The following ZNF317 variants were observed in gnomAD, a reference collection of about 807,000 sequenced individuals.
ZNF317 encodes the protein zinc finger protein 317.
In ZNF317, 17 loss-of-function variants were observed where a neutral mutation model predicts 23.4. The observed-to-expected ratio is 0.73, with a 90% CI of 0.50 to 1.09. ZNF317 has a LOEUF of 1.09. ZNF317 is among the 50% of genes least tolerant of loss of function. The pLI, the probability that ZNF317 is intolerant of heterozygous loss-of-function variation, is 0.00. For synonymous variants in ZNF317, 317 were observed against 314.9 expected (o/e 1.01, Z -0.07); for missense variants, 679 against 796.7 (o/e 0.85, Z 1.78).
At chr19:9,142,295 A>G (rs187482331) in intron 1 of ZNF317, among the ~76,000 whole-genome samples, 48 of 151,628 alleles carry the variant, frequency 3.2e-4, no homozygotes, top group Middle Eastern at 3.4e-3. Context: ...CAGACGATAA[A>G]TTGTCTTTTT....
chr19:9,153,997 T>C (rs1170297435), intron 1 of ZNF317, among the ~76,000 whole-genome samples: 2 of 152,046 alleles, frequency 1.3e-5, no homozygotes, highest in African/African-American at 4.8e-5. Context: ...CATGTGTCCA[T>C]GCATAGGAAA....
chr19:9,145,140 G>C (rs1341196190), intron 1 of ZNF317, among the ~76,000 whole-genome samples: 1 of 152,150 alleles, frequency 6.6e-6, no homozygotes, highest in African/African-American at 2.4e-5. Flanking sequence ...TGCCTCCTGG[G>C]TTCCAGCAAT....
intron 4 of ZNF317, chr19:9,157,621 C>A: frequency 5.2e-6 from 3 of 577,812 alleles, no homozygotes; most frequent in Non-Finnish European, 2.7e-6. Context: ...TTCTGAAATA[C>A]GAAATCCCCA....
Position 9,161,357 on chromosome 19 carries a change from C to T in ZNF317, c.1712C>T (p.Ser571Leu). Reference protein sequence around the residue: ...LVCGKAFSDHSSLRSHVKTHR... With the variant: ...LVCGKAFSDHLSLRSHVKTHR... ...TGCGGGAAAGCCTTCAGCGACCACTCATCCCTCAGGAGCCACGTGAAAACT... is the reference window on the plus strand; with the variant it reads ...TGCGGGAAAGCCTTCAGCGACCACTTATCCCTCAGGAGCCACGTGAAAACT... Residue 571 changes from serine to leucine, a missense_variant, in exon 7 of 7, where the codon TCA becomes TTA. By Grantham distance (145) the Ser-to-Leu change is moderately radical. Transcript: ENST00000247956. The surrounding 1 kb of genome is among the most constrained non-coding windows in gnomAD (Gnocchi z 4.0). 2.5e-6 allele frequency: 4 copies of T among 1,614,216 alleles called. No individual in the cohort carries two copies. The highest frequency in any genetic ancestry group is 3.4e-6 in the Non-Finnish European group (4 of 1,180,046).
At chr19:9,142,760 C>G (rs2145937045) in intron 1 of ZNF317, among the ~76,000 whole-genome samples, 2 of 151,988 alleles carry the variant, frequency 1.3e-5, no homozygotes, top group Admixed American at 1.3e-4. Context: ...TTGATTTTCT[C>G]TTGTTACATT....
rs1239033283 is a variant in ZNF317, at chr19:9,157,145, C to CG, written c.163-122dup. The CG allele has an allele frequency of 7.3e-6, 9 of 1,238,028 alleles. No individual in the cohort carries two copies. The African/African-American group carries it at 9.0e-5, about 12-fold the overall frequency. The allele number at this position is 1,238,028 out of a possible 1,614,324, so 76.7% of individuals were successfully genotyped here. ...GATGCCTGGAGGAAATGTTGAGCCCCGTAGCAGGCCATCTGGAAATCCTGT... is the reference window on the plus strand; with the variant it reads ...GATGCCTGGAGGAAATGTTGAGCCCCGGTAGCAGGCCATCTGGAAATCCTGT... On this transcript the variant is annotated intron_variant, in intron 3 of 6. Transcript: ENST00000247956.
At position 9,147,330 on chromosome 19, in the gene ZNF317, GTTTTTTTTTT is replaced by G. The variant is rs35259257; in HGVS notation, c.-93+6756_-93+6765del. ...TGGTGACAGCATTCCAATGACACTG[GTTTTTTTTTT>G]TTTTTTTTTTTTTTTTTGAGATGGA... On this transcript the variant is annotated intron_variant, in intron 1 of 6. Transcript: ENST00000247956. Among the ~76,000 whole-genome samples, 519 of 110,162 alleles carry G rather than the reference GTTTTTTTTTT, an allele frequency of 4.7e-3. 1 individual carries two copies. The highest frequency in any genetic ancestry group is 0.011 in the African/African-American group (294 of 25,612). 72.3% of individuals were successfully genotyped at this position (110,162 alleles called of 152,430 possible).
At chr19:9,143,151 G>T (rs2050649694) in intron 1 of ZNF317, among the ~76,000 whole-genome samples, 1 of 152,096 alleles carries the variant, frequency 6.6e-6, no homozygotes, top group South Asian at 2.1e-4. Context: ...TCCATCTGAG[G>T]TTTAAATCGT....
chr19:9,144,147 C>T (rs562525987), intron 1 of ZNF317, among the ~76,000 whole-genome samples: 5 of 152,012 alleles, frequency 3.3e-5, no homozygotes, highest in Non-Finnish European at 5.9e-5. Flanking sequence ...GAAGTACAGG[C>T]GCATGGCACC....
intron 1 of ZNF317, among the ~76,000 whole-genome samples, chr19:9,145,828 A>G (rs781748449): frequency 3.3e-5 from 5 of 152,210 alleles, no homozygotes; most frequent in Non-Finnish European, 5.9e-5. Context: ...TGGCTTTGAA[A>G]CTTCAGCCTT....
rs951786649 is a variant in ZNF317, at chr19:9,148,344, C to A, written c.-92-7581C>A. Among the ~76,000 whole-genome samples, 7 of 152,318 alleles carry A rather than the reference C, an allele frequency of 4.6e-5. No individual in the cohort carries two copies. The South Asian group carries it at 1.2e-3, about 27-fold the overall frequency. On this transcript the variant is annotated intron_variant, in intron 1 of 6. Coordinates refer to ENST00000247956, the MANE Select transcript of ZNF317 (RefSeq NM_020933.5). ...GGTTTGCATCGTTGCAAAACATCGACAAGGTTCCACAGACTGAATTGATGT... is the reference window on the plus strand; with the variant it reads ...GGTTTGCATCGTTGCAAAACATCGAAAAGGTTCCACAGACTGAATTGATGT...
intron 1 of ZNF317, among the ~76,000 whole-genome samples, chr19:9,141,618 G>A (rs1444860994): frequency 1.3e-5 from 2 of 152,170 alleles, no homozygotes; most frequent in Non-Finnish European, 2.9e-5. Flanking sequence ...TTTCAGGAAT[G>A]TCATGGCTTA....
intron 1 of ZNF317, among the ~76,000 whole-genome samples, chr19:9,151,006 T>G (rs2050731481): frequency 6.6e-6 from 1 of 152,180 alleles, no homozygotes. Context: ...GGAGAATGTC[T>G]CATACCTTGT....
At chr19:9,148,034 G>C (rs971797007) in intron 1 of ZNF317, among the ~76,000 whole-genome samples, 2 of 152,090 alleles carry the variant, frequency 1.3e-5, no homozygotes, top group South Asian at 4.1e-4. Context: ...CAACCCTGCT[G>C]TCTTGCTCCT....
chr19:9,160,530 C>A lies in ZNF317; in HGVS notation c.885C>A (p.Ile295=). ...NAFRTLSALK[I]HMRVHTGERP... ...TCCGGACCCTCTCGGCCCTGAAAAT[C>A]CACATGCGAGTTCACACTGGCGAGA... Residue 295 remains isoleucine (I), a synonymous_variant, in exon 7 of 7, where the codon ATC becomes ATA. Transcript: ENST00000247956. This position sits in a 1 kb window ranked among gnomAD's most constrained non-coding sequence, Gnocchi z 6.8. 6.2e-7 allele frequency: 1 copy of A among 1,614,200 alleles called. No individual in the cohort carries two copies. The highest frequency in any genetic ancestry group is 1.1e-5 in the South Asian group (1 of 91,084).
Position 9,160,204 on chromosome 19 carries a change from A to G in ZNF317, c.559A>G (p.Arg187Gly). ...CCCTCATCTCACTCAGCCAATGGGA[A>G]GGCACGCTGGCAAGAGGCCCTATCA... ...MDPHLTQPMG[R>G]HAGKRPYHRR... is the part of the protein sequence containing the mutation. Residue 187 changes from arginine to glycine, a missense_variant, in exon 7 of 7, where the codon AGG becomes GGG. By Grantham distance (125) the Arg-to-Gly change is moderately radical (BLOSUM62 -2). Transcript: ENST00000247956. The surrounding 1 kb of genome is among the most constrained non-coding windows in gnomAD (Gnocchi z 6.8). The G allele has an allele frequency of 6.2e-7, 1 of 1,614,170 alleles. No homozygotes were observed. Among genetic ancestry groups the G allele is most frequent in the Non-Finnish European group, 8.5e-7 (1 of 1,180,018 alleles).
rs577433015 is a variant in ZNF317 at position 9,140,428 on chromosome 19, G to T, written c.-257G>T. 3 of 441,472 alleles carry T rather than the reference G, an allele frequency of 6.8e-6. No homozygotes were observed. The highest frequency in any genetic ancestry group is 2.0e-5 in the African/African-American group (1 of 49,178). 27.3% of individuals were successfully genotyped at this position (441,472 alleles called of 1,614,324 possible). A position where few individuals can be genotyped will look rare whatever the true frequency, so the allele number is the denominator to read the frequency against. On this transcript the variant is annotated 5_prime_UTR_variant, in exon 1 of 7. Coordinates refer to ENST00000247956, the MANE Select transcript of ZNF317 (RefSeq NM_020933.5). ...GCGGAAGCCATTACTCTCTGGAGTC[G>T]ATTGCCCCGAGACACATGGGCCAAG...
intron 1 of ZNF317, among the ~76,000 whole-genome samples, chr19:9,145,251 GC>G (rs2050672822): frequency 1.3e-5 from 2 of 152,274 alleles, no homozygotes; most frequent in Middle Eastern, 6.8e-3. Flanking sequence ...CACCATGTTG[GC>G]CAGGCAGCGG....
intron 1 of ZNF317, 132 bp from the exon 2 acceptor site, chr19:9,155,792 TA>T: frequency 6.7e-6 from 4 of 596,596 alleles, no homozygotes; most frequent in Non-Finnish European, 9.0e-6. Context: ...CTAAGTAAGA[TA>T]AAAGTCCAGG....
Sources: gnomAD v4.1 joint callset for allele counts (sites outside exome capture counted in the v4.1 genomes callset) on GRCh38, gnomAD v4.1.1 for gene constraint, Gnocchi (gnomAD v3.1) non-coding constraint, MANE v1.5 for transcripts, NCBI Gene and HGNC (gene_info 2026-07-23, HGNC 2026-07-21) for gene names.